SHISA9: variants seen among roughly 807,000 people sequenced by gnomAD.
The protein encoded by SHISA9 is protein shisa-9.
In SHISA9, 13 loss-of-function variants were observed where a neutral mutation model predicts 38.0. That is an observed-to-expected ratio of 0.34 (90% CI 0.22 to 0.54). The LOEUF (loss-of-function observed/expected upper bound fraction) is 0.54. SHISA9 is among the 20% of genes least tolerant of loss of function. The pLI is 0.91. For synonymous variants in SHISA9, 275 were observed against 242.0 expected, an observed-to-expected ratio of 1.14 and a Z score of -1.27; for missense variants, 538 against 575.8, an observed-to-expected ratio of 0.93 and a Z score of 0.67.
chr16:13,300,396 G>C, the SHISA9 span, among the ~76,000 whole-genome samples: 1 of 152,066 alleles, frequency 6.6e-6, no homozygotes, highest in Non-Finnish European at 1.5e-5. Flanking sequence ...AGCTCATCCA[G>C]GTGGGCCCTC....
the SHISA9 span, among the ~76,000 whole-genome samples, chr16:13,382,935 T>G: frequency 6.6e-6 from 1 of 152,300 alleles, no homozygotes; most frequent in East Asian, 1.9e-4. Flanking sequence ...TCAAGCAATA[T>G]GTTACTGATC....
chr16:13,080,594 C>G (rs1468423637), intron 2 of SHISA9, among the ~76,000 whole-genome samples: 3 of 152,062 alleles, frequency 2.0e-5, no homozygotes, highest in Non-Finnish European at 4.4e-5. Context: ...AAAAGAAGAG[C>G]AGGATTGAGA....
the SHISA9 span, among the ~76,000 whole-genome samples, chr16:13,398,672 G>A: frequency 6.6e-5 from 10 of 151,804 alleles, no homozygotes; most frequent in African/African-American, 9.7e-5. Context: ...CACCACGTCC[G>A]GCTAATTTTT....
chr16:13,116,185 GC>G (rs2074029244), intron 2 of SHISA9, among the ~76,000 whole-genome samples: 2 of 152,084 alleles, frequency 1.3e-5, no homozygotes, highest in Non-Finnish European at 2.9e-5. Context: ...ATAAGCTGAT[GC>G]CTGGGATACA....
chr16:13,109,543 GACATA>G (rs1263101803), intron 2 of SHISA9, among the ~76,000 whole-genome samples: 1 of 152,128 alleles, frequency 6.6e-6, no homozygotes, highest in African/African-American at 2.4e-5. Flanking sequence ...TGGTATAATT[GACATA>G]ACATCAAATT....
At chr16:13,072,677 T>G (rs2073532151) in intron 2 of SHISA9, among the ~76,000 whole-genome samples, 1 of 152,114 alleles carries the variant, frequency 6.6e-6, no homozygotes, top group Non-Finnish European at 1.5e-5. Flanking sequence ...TTTTTTTTTT[T>G]TGAGACGGAG....
the SHISA9 span, among the ~76,000 whole-genome samples, chr16:13,343,761 G>C: frequency 6.6e-6 from 1 of 152,066 alleles, no homozygotes; most frequent in Non-Finnish European, 1.5e-5. Context: ...TGACAGAAAG[G>C]CTGACTAATT....
chr16:13,257,173 C>T, the SHISA9 span, among the ~76,000 whole-genome samples: 1 of 152,156 alleles, frequency 6.6e-6, no homozygotes, highest in South Asian at 2.1e-4. Flanking sequence ...AAGAGTTTGG[C>T]CATTGGTAAG....
chr16:13,011,886 C>T (rs967646580), intron 2 of SHISA9, among the ~76,000 whole-genome samples: 5 of 151,798 alleles, frequency 3.3e-5, no homozygotes, highest in African/African-American at 1.2e-4. Context: ...AGTACAGTGG[C>T]ATGATCTCAA....
the SHISA9 span, among the ~76,000 whole-genome samples, chr16:13,263,759 G>A: frequency 6.6e-6 from 1 of 152,152 alleles, no homozygotes; most frequent in South Asian, 2.1e-4. Flanking sequence ...CAATTTCCTG[G>A]GTTTTATTGT....
chr16:13,145,638 T>A (rs999984209), intron 2 of SHISA9, among the ~76,000 whole-genome samples: 2 of 152,200 alleles, frequency 1.3e-5, no homozygotes, highest in Non-Finnish European at 2.9e-5. Context: ...TAATCGTGAT[T>A]TTTGTTGAGA....
intron 1 of SHISA9, chr16:12,908,475 G>A: frequency 6.4e-7 from 1 of 1,552,190 alleles, no homozygotes; most frequent in East Asian, 2.4e-5. Context: ...CCCCCATGAG[G>A]TAGGCTCTAT....
intron 2 of SHISA9, among the ~76,000 whole-genome samples, chr16:13,074,167 G>A (rs2073553459): frequency 1.3e-5 from 2 of 151,904 alleles, no homozygotes; most frequent in African/African-American, 4.8e-5. Flanking sequence ...ATGGAGTTTT[G>A]CCATGTTGGC....
At chr16:13,147,398 G>T (rs1024621017) in intron 2 of SHISA9, among the ~76,000 whole-genome samples, 1 of 151,524 alleles carries the variant, frequency 6.6e-6, no homozygotes, top group Non-Finnish European at 1.5e-5. Context: ...TTAAGGCTAG[G>T]GATTTTTTTT....
the SHISA9 span, among the ~76,000 whole-genome samples, chr16:13,272,976 G>A: frequency 1.3e-5 from 2 of 152,060 alleles, no homozygotes; most frequent in Non-Finnish European, 1.5e-5. Flanking sequence ...AACAACTGGG[G>A]TTATTGCTTT....
chr16:13,319,741 C>T, the SHISA9 span, among the ~76,000 whole-genome samples: 1 of 151,052 alleles, frequency 6.6e-6, no homozygotes, highest in Non-Finnish European at 1.5e-5. Context: ...GCTGTGGCCC[C>T]TTCTGGGTCC....
At chr16:12,968,899 G>T (rs796950265) in intron 2 of SHISA9, among the ~76,000 whole-genome samples, 7 of 152,228 alleles carry the variant, frequency 4.6e-5, no homozygotes, top group African/African-American at 1.7e-4. Flanking sequence ...GGGCATGGTG[G>T]CTCACACCTG....
the SHISA9 span, among the ~76,000 whole-genome samples, chr16:13,266,560 G>T: frequency 2.0e-5 from 3 of 152,158 alleles, no homozygotes; most frequent in African/African-American, 7.2e-5. Flanking sequence ...GGCTGTTGTT[G>T]TGTTTCCCAT....
At chr16:12,954,689 C>T (rs990645417) in intron 2 of SHISA9, among the ~76,000 whole-genome samples, 1 of 152,120 alleles carries the variant, frequency 6.6e-6, no homozygotes, top group Non-Finnish European at 1.5e-5. Flanking sequence ...AAAATATATT[C>T]TGTGGAATAA....
Sources: gnomAD v4.1 joint callset for allele counts (sites outside exome capture counted in the v4.1 genomes callset) on GRCh38, gnomAD v4.1.1 for gene constraint, MANE v1.5 for transcripts, NCBI Gene and HGNC (gene_info 2026-07-23, HGNC 2026-07-21) for gene names.